Variants in LRP2 observed in about 807,000 individuals in gnomAD.
LRP2 encodes low-density lipoprotein receptor-related protein 2.
A neutral mutation model predicts 531.0 loss-of-function variants in LRP2; 172 were observed. The observed-to-expected ratio is 0.32, with a 90% CI of 0.29 to 0.37. LRP2 has a LOEUF of 0.37. Ranked by LOEUF, LRP2 falls within the 10% of genes least tolerant of loss-of-function variation. The pLI, the probability that LRP2 is intolerant of heterozygous loss-of-function variation, is 1.00. For synonymous variants in LRP2, 1,992 were observed against 2,027.6 expected, an observed-to-expected ratio of 0.98 and a Z score of 0.47; for missense variants, 5,167 against 5,868.3, an observed-to-expected ratio of 0.88 and a Z score of 3.90.
At chr2:169,311,305 T>G (rs1470242091) in intron 3 of LRP2, among the ~76,000 whole-genome samples, 1 of 152,212 alleles carries the variant, frequency 6.6e-6, no homozygotes, top group African/African-American at 2.4e-5. Flanking sequence ...GGTGTCAATT[T>G]TAGATCTTTC....
Position 169,289,010 on chromosome 2 carries a change from G to GC in LRP2, c.1042+15dup, listed in dbSNP as rs751364986. On this transcript the variant is annotated intron_variant, in intron 9 of 78. Coordinates refer to ENST00000649046, the MANE Select transcript of LRP2 (RefSeq NM_004525.3). ...CTGTAATGAAAGACAAGTAGCCGCCGCCCCCCATCACTTACCAACACAGGT... is the reference window on the plus strand; with the variant it reads ...CTGTAATGAAAGACAAGTAGCCGCCGCCCCCCCATCACTTACCAACACAGGT... 22 of 1,613,508 alleles carry GC rather than the reference G, an allele frequency of 1.4e-5. No homozygotes were observed. In the South Asian group the frequency reaches 1.8e-4, roughly 13 times the overall value.
chr2:169,132,438 T>C, intron 77 of LRP2, 136 bp downstream of exon 77: 1 of 646,438 alleles, frequency 1.5e-6, no homozygotes, highest in East Asian at 2.8e-5. Context: ...TAAAAAATTA[T>C]ATTTATTAAC....
intron 29 of LRP2, among the ~76,000 whole-genome samples, chr2:169,235,290 A>G (rs1327254075): frequency 6.7e-6 from 1 of 150,022 alleles, no homozygotes; most frequent in Non-Finnish European, 1.5e-5. Flanking sequence ...CCTAGGCTGG[A>G]GTGCAGTGAG....
At chr2:169,234,260 A>G (rs1320957183) in intron 29 of LRP2, among the ~76,000 whole-genome samples, 1 of 152,130 alleles carries the variant, frequency 6.6e-6, no homozygotes, top group Admixed American at 6.6e-5. Context: ...TAACCCTCAC[A>G]TGCATTAGAT....
chr2:169,303,926 A>T (rs924724832), intron 4 of LRP2, among the ~76,000 whole-genome samples: 2 of 152,200 alleles, frequency 1.3e-5, no homozygotes, highest in African/African-American at 4.8e-5. Flanking sequence ...AAATAAAAAA[A>T]AACTTGATTA....
intron 61 of LRP2, among the ~76,000 whole-genome samples, chr2:169,167,497 T>C (rs1686826976): frequency 6.6e-6 from 1 of 152,156 alleles, no homozygotes; most frequent in African/African-American, 2.4e-5. Context: ...TCAGAATCAT[T>C]TGAGGGGCCT....
At chr2:169,224,816 G>A (rs756763502) in intron 33 of LRP2, among the ~76,000 whole-genome samples, 62 of 152,198 alleles carry the variant, frequency 4.1e-4, no homozygotes, top group African/African-American at 1.2e-3. Context: ...CCAGCCAGGC[G>A]TGGTGGCTCA....
intron 4 of LRP2, among the ~76,000 whole-genome samples, chr2:169,296,026 C>A (rs1471614291): frequency 6.6e-6 from 1 of 152,016 alleles, no homozygotes; most frequent in Non-Finnish European, 1.5e-5. Context: ...GAAGATAATT[C>A]TTTGGATAGT....
At chr2:169,260,109 T>C (rs530760527) in intron 16 of LRP2, among the ~76,000 whole-genome samples, 19 of 152,090 alleles carry the variant, frequency 1.2e-4, no homozygotes, top group Non-Finnish European at 1.9e-4. Context: ...TCGTTCCTAT[T>C]CTACAGATGA....
chr2:169,353,153 T>C (rs2673151), intron 1 of LRP2, among the ~76,000 whole-genome samples: 143,808 of 152,258 alleles, frequency 0.94, 68,114 homozygotes, highest in East Asian at 1. Context: ...TGATGATATG[T>C]CAAGTTTGGG....
At chr2:169,153,043 T>C in intron 66 of LRP2, 79 bp from the exon 67 acceptor site, 1 of 1,323,272 alleles carries the variant, frequency 7.6e-7, no homozygotes. Context: ...TCAGGTGAAG[T>C]ACTGTTCGTT....
chr2:169,263,127 A>C (rs1210774508), intron 16 of LRP2, among the ~76,000 whole-genome samples: 1 of 152,230 alleles, frequency 6.6e-6, no homozygotes, highest in African/African-American at 2.4e-5. Flanking sequence ...TATTAGACCT[A>C]AAACCATAAA....
intron 71 of LRP2, among the ~76,000 whole-genome samples, chr2:169,141,700 C>T (rs1685723613): frequency 6.6e-6 from 1 of 152,310 alleles, no homozygotes; most frequent in African/African-American, 2.4e-5. Flanking sequence ...TGTGAAATTG[C>T]AGTAAGTGGC....
intron 17 of LRP2, among the ~76,000 whole-genome samples, 160 bp from the exon 18 acceptor site, chr2:169,257,409 C>T (rs1690348746): frequency 6.6e-6 from 1 of 152,022 alleles, no homozygotes. Context: ...TCATGTAATT[C>T]TCAGTTAAAA....
chr2:169,297,002 C>G (rs987012362), intron 4 of LRP2, among the ~76,000 whole-genome samples: 15 of 152,178 alleles, frequency 9.9e-5, no homozygotes, highest in Non-Finnish European at 1.8e-4. Context: ...AACCCCTGCA[C>G]ACCTTGATCT....
In LRP2 at chr2:169,275,216, A is replaced by C. The variant is rs772368788; in HGVS notation, c.1795T>G (p.Ser599Ala). Reference sequence around the variant, plus strand: ...ACTCCAAAGGGATGAGGAATGAGGGAGCCTCCATGAACTACAGTCTTCCTG... The same window carrying C: ...ACTCCAAAGGGATGAGGAATGAGGGCGCCTCCATGAACTACAGTCTTCCTG... ...IQRKTVVHGG[S>A]LIPHPFGVSL... Residue 599 changes from serine to alanine, a missense_variant, in exon 14 of 79, where the codon TCC becomes GCC. Around this residue, in one of 6 missense-constraint regions of LRP2, gnomAD observed 2,811 missense variants for 3,058.0 expected, o/e 0.92. Coordinates refer to ENST00000649046, the MANE Select transcript of LRP2 (RefSeq NM_004525.3). 1.9e-6 allele frequency: 3 copies of C among 1,613,664 alleles called. No individual in the cohort carries two copies. The highest frequency in any genetic ancestry group is 1.7e-6 in the Non-Finnish European group (2 of 1,179,702).
At chr2:169,317,927 A>T (rs1358544545) in intron 3 of LRP2, among the ~76,000 whole-genome samples, 1 of 152,054 alleles carries the variant, frequency 6.6e-6, no homozygotes, top group Non-Finnish European at 1.5e-5. Context: ...AAATTTAAAA[A>T]TTAGCTGGGC....
At chr2:169,159,497 A>G (rs566818802) in intron 63 of LRP2, among the ~76,000 whole-genome samples, 1 of 152,322 alleles carries the variant, frequency 6.6e-6, no homozygotes, top group East Asian at 1.9e-4. Flanking sequence ...AAGTCTTATA[A>G]TAAAGATCCT....
At chr2:169,244,223 A>G (rs559372656) in intron 22 of LRP2, among the ~76,000 whole-genome samples, 2 of 152,366 alleles carry the variant, frequency 1.3e-5, no homozygotes, top group Admixed American at 1.3e-4. Context: ...GCTAAAGGAA[A>G]GCAGAACTGG....
Sources: gnomAD v4.1 joint callset for allele counts (sites outside exome capture counted in the v4.1 genomes callset) on GRCh38, gnomAD v4.1.1 for gene constraint, gnomAD v4.1.1 regional missense constraint, MANE v1.5 for transcripts, NCBI Gene and HGNC (gene_info 2026-07-23, HGNC 2026-07-21) for gene names.